NHS: variants seen among roughly 807,000 people sequenced by gnomAD.
NHS encodes actin remodeling regulator NHS.
Under a neutral mutation model 72.5 loss-of-function variants are expected in NHS, and 5 were observed. The observed-to-expected ratio is 0.07, with a 90% CI of 0.04 to 0.14. The LOEUF is 0.14. Ranked by LOEUF, NHS falls within the 10% of genes least tolerant of loss-of-function variation. The pLI, the probability that NHS is intolerant of heterozygous loss-of-function variation, is 1.00. For synonymous variants in NHS, 464 were observed against 547.7 expected, an observed-to-expected ratio of 0.85 and a Z score of 2.13; for missense variants, 1,072 against 1,355.7, an observed-to-expected ratio of 0.79 and a Z score of 3.29.
At chrX:17,683,372 C>G (rs1215604520) in intron 1 of NHS, among the ~76,000 whole-genome samples, 1 of 111,694 alleles carries the variant, frequency 9.0e-6, no homozygotes, top group East Asian at 2.8e-4. Flanking sequence ...GCACTAGATC[C>G]TTTTTATGTG....
At chrX:17,555,581 C>T (rs916806481) in intron 1 of NHS, among the ~76,000 whole-genome samples, 1 of 111,902 alleles carries the variant, frequency 8.9e-6, no homozygotes. Context: ...CTGTTCCTCT[C>T]TCTAGCTCCT....
At chrX:17,715,734 T>C (rs1292692431) in intron 3 of NHS, among the ~76,000 whole-genome samples, 4 of 111,289 alleles carry the variant, frequency 3.6e-5, no homozygotes, top group Non-Finnish European at 7.5e-5. Flanking sequence ...TTTTTCCTAA[T>C]CTTCTCCCTC....
intron 1 of NHS, among the ~76,000 whole-genome samples, chrX:17,440,844 T>C (rs2064749231): frequency 9.0e-6 from 1 of 111,705 alleles, no homozygotes; most frequent in Non-Finnish European, 1.9e-5. Flanking sequence ...GTTTGCAGTT[T>C]TTCAAAGTTA....
intron 1 of NHS, among the ~76,000 whole-genome samples, chrX:17,538,659 C>T (rs1454087393): frequency 1.8e-5 from 2 of 111,790 alleles, no homozygotes; most frequent in African/African-American, 3.3e-5. Flanking sequence ...GCCATGAACA[C>T]GTGCAAAGTG....
Position 17,721,618 on chromosome X carries a change from C to T in NHS, c.1093C>T (p.Pro365Ser). The T allele has an allele frequency of 8.3e-7, 1 of 1,209,307 alleles. No homozygotes were observed. The highest frequency in any genetic ancestry group is 1.1e-6 in the Non-Finnish European group (1 of 893,705). Residue 365 changes from proline to serine, a missense_variant, in exon 5 of 9, where the codon CCC (proline) becomes TCC (serine). Transcript: ENST00000676302. ...CCAAGTGATTTCTTCTTGCATTATT[C>T]CCATCAATGTTACTGGTATCGTTCT... is the stretch of plus-strand genomic sequence containing the variant. ...DAQVISSCIIPINVTGVGFDR... is the reference protein window; with the variant it reads ...DAQVISSCIISINVTGVGFDR...
intron 1 of NHS, among the ~76,000 whole-genome samples, chrX:17,536,373 AAAACAAAC>A (rs755740934): frequency 0.014 from 1,562 of 112,334 alleles, 10 homozygotes; most frequent in Non-Finnish European, 0.023. Context: ...AAACAAACAA[AAAACAAAC>A]AAACAAACAA....
intron 1 of NHS, among the ~76,000 whole-genome samples, chrX:17,463,691 A>G (rs1335657690): frequency 1.8e-5 from 2 of 111,858 alleles, no homozygotes; most frequent in African/African-American, 6.5e-5. Context: ...CGAGAGGCAG[A>G]TTGATTAAAC....
At chrX:17,380,205 A>G (rs1189412859) in intron 1 of NHS, among the ~76,000 whole-genome samples, 3 of 111,641 alleles carry the variant, frequency 2.7e-5, no homozygotes, top group Non-Finnish European at 3.8e-5. Context: ...AACTTGGTCA[A>G]GTGCTTCTGA....
intron 1 of NHS, among the ~76,000 whole-genome samples, chrX:17,536,992 G>C (rs1601753353): frequency 8.9e-6 from 1 of 112,262 alleles, no homozygotes; most frequent in African/African-American, 3.2e-5. Flanking sequence ...TTGAACTGTG[G>C]AGATAAATTG....
At chrX:17,570,662 G>T (rs1601778403) in intron 1 of NHS, among the ~76,000 whole-genome samples, 1 of 111,435 alleles carries the variant, frequency 9.0e-6, no homozygotes, top group Non-Finnish European at 1.9e-5. Flanking sequence ...ACCCTTTATT[G>T]CTTTCTCTTG....
chrX:17,430,780 A>T (rs2064691426), intron 1 of NHS, among the ~76,000 whole-genome samples: 1 of 112,418 alleles, frequency 8.9e-6, no homozygotes, highest in Admixed American at 9.4e-5. Context: ...TTCAAGGTTC[A>T]TTTATGTTGT....
At chrX:17,597,062 G>A (rs2065627056) in intron 1 of NHS, among the ~76,000 whole-genome samples, 1 of 108,805 alleles carries the variant, frequency 9.2e-6, no homozygotes, top group Non-Finnish European at 1.9e-5. Flanking sequence ...ATGTTTTGGT[G>A]TAAAACTAGC....
At chrX:17,559,684 C>T (rs1197244745) in intron 1 of NHS, among the ~76,000 whole-genome samples, 3 of 111,519 alleles carry the variant, frequency 2.7e-5, no homozygotes, top group Non-Finnish European at 5.7e-5. Context: ...TGGAGAAGAC[C>T]CCTCTGCTGG....
intron 1 of NHS, among the ~76,000 whole-genome samples, chrX:17,561,531 T>C (rs1163703484): frequency 2.9e-5 from 3 of 104,284 alleles, no homozygotes; most frequent in East Asian, 3.1e-4. Flanking sequence ...TAGAGTTACT[T>C]TGAGTTCTTC....
intron 1 of NHS, among the ~76,000 whole-genome samples, chrX:17,436,210 G>A (rs1457087866): frequency 9.0e-6 from 1 of 111,622 alleles, no homozygotes; most frequent in Non-Finnish European, 1.9e-5. Context: ...ATTGAAGTCA[G>A]GGTTGTGTCT....
chrX:17,579,198 G>A (rs1310339212), intron 1 of NHS, among the ~76,000 whole-genome samples: 4 of 112,045 alleles, frequency 3.6e-5, no homozygotes, highest in Non-Finnish European at 7.5e-5. Flanking sequence ...AGTAAAAAGT[G>A]AAAAAAATAA....
chrX:17,725,595 G>A lies in NHS; in HGVS notation c.1489G>A (p.Ala497Thr). Residue 497 changes from alanine to threonine, a missense_variant, in exon 7 of 9, where the codon GCA becomes ACA. Transcript: ENST00000676302. ...CAAAGGTGACACCATGTTTACTCCT[G>A]CAGTGAGCAGCCGCACAAGATCTCG... The part of the protein sequence containing the change: ...ADKGDTMFTP[A>T]VSSRTRSRSL... The A allele has an allele frequency of 1.7e-6, 2 of 1,211,730 alleles. No individual in the cohort carries two copies. Among genetic ancestry groups the A allele is most frequent in the Non-Finnish European group, 2.2e-6 (2 of 895,540 alleles).
chrX:17,717,281 T>C (rs1694998516), intron 3 of NHS, among the ~76,000 whole-genome samples: 2 of 112,482 alleles, frequency 1.8e-5, no homozygotes, highest in South Asian at 7.3e-4. Flanking sequence ...CTTACTTTCT[T>C]TGGGGTTCCC....
At chrX:17,378,220 T>A (rs144560198) in intron 1 of NHS, among the ~76,000 whole-genome samples, 6 of 111,579 alleles carry the variant, frequency 5.4e-5, no homozygotes, top group African/African-American at 2.0e-4. Context: ...TTCTTTCAAG[T>A]CCTTTTAACT....
Sources: allele counts gnomAD v4.1 joint callset (sites outside exome capture counted in the v4.1 genomes callset), GRCh38; gene constraint gnomAD v4.1.1; transcripts MANE v1.5; gene names NCBI Gene and HGNC (gene_info 2026-07-23, HGNC 2026-07-21).